ZNF565: variants seen among roughly 807,000 people sequenced by gnomAD.
The protein encoded by ZNF565 is zinc finger protein 565.
Under a neutral mutation model 39.4 loss-of-function variants are expected in ZNF565, and 27 were observed. That is an observed-to-expected ratio of 0.69 (90% CI 0.51 to 0.95). The LOEUF is 0.95. Ranked by LOEUF, ZNF565 falls within the 40% of genes least tolerant of loss-of-function variation. The probability of loss-of-function intolerance (pLI) is 0.00; values close to 1 mark genes in which losing one functional copy is unlikely to be tolerated. For synonymous variants in ZNF565, 185 were observed against 216.6 expected (o/e 0.85, Z 1.28); for missense variants, 524 against 621.1 (o/e 0.84, Z 1.66).
chr19:36,224,122 C>G (rs1976975496), intron 1 of ZNF565, among the ~76,000 whole-genome samples: 1 of 152,182 alleles, frequency 6.6e-6, no homozygotes, highest in South Asian at 2.1e-4. Context: ...TGGCTCACGC[C>G]TGCAATCCCA....
intron 1 of ZNF565, among the ~76,000 whole-genome samples, chr19:36,232,696 C>G (rs10418472): frequency 0.04 from 6,132 of 151,476 alleles, 397 homozygotes; most frequent in African/African-American, 0.14. Flanking sequence ...ACAACCTCCA[C>G]CTCCCGGTTT....
chr19:36,228,882 A>C (rs1004013926), intron 1 of ZNF565: 2 of 152,240 alleles, frequency 1.3e-5, no homozygotes, highest in South Asian at 4.1e-4. Flanking sequence ...AAGTGCTTCA[A>C]AGGATGTTTT....
chr19:36,200,567 C>A (rs1477806450), intron 2 of ZNF565, among the ~76,000 whole-genome samples: 1 of 151,390 alleles, frequency 6.6e-6, no homozygotes, highest in South Asian at 2.1e-4. Flanking sequence ...CGGCTCACTG[C>A]AACCTCTGCC....
In ZNF565 at chr19:36,233,176, A is replaced by G. The variant is rs576714756; in HGVS notation, c.55+12300T>C. Among the ~76,000 whole-genome samples the G allele has an allele frequency of 2.0e-5, 3 of 152,318 alleles. No individual in the cohort carries two copies. The South Asian group carries it at 6.2e-4, about 32-fold the overall frequency. On this transcript the variant is annotated intron_variant, in intron 1 of 4. Coordinates refer to the ZNF565 transcript ENST00000355114. The stretch of plus-strand genomic sequence containing the variant: ...TACGGGCAGATCACCAGATGTCAGG[A>G]GTTCCAGACCAGCCTGGCCAACATA...
At chr19:36,244,582 C>G (rs900062068) in intron 1 of ZNF565, among the ~76,000 whole-genome samples, 4 of 151,804 alleles carry the variant, frequency 2.6e-5, no homozygotes, top group African/African-American at 7.3e-5. Flanking sequence ...GCTGGGCACG[C>G]TGGCTCACGC....
chr19:36,206,858 T>C lies in ZNF565; in HGVS notation c.-65-4808A>G, dbSNP rs544939345. 3.3e-5 allele frequency among the ~76,000 whole-genome samples: 5 copies of C among 152,136 alleles called. No individual in the cohort carries two copies. The East Asian group carries it at 7.7e-4, about 24-fold the overall frequency. ...ACAACAATAACAACATATGTATATA[T>C]AGATGTCAGGTGGCAAATGTCCTAC... On this transcript the variant is annotated intron_variant, in intron 1 of 4. Transcript: ENST00000304116.
At chr19:36,204,878 C>T (rs1976095095) in intron 1 of ZNF565, among the ~76,000 whole-genome samples, 1 of 151,990 alleles carries the variant, frequency 6.6e-6, no homozygotes, top group Non-Finnish European at 1.5e-5. Flanking sequence ...TATCCAGCTA[C>T]TTGGGAGGCT....
intron 1 of ZNF565, chr19:36,236,604 A>T: frequency 6.2e-7 from 1 of 1,614,232 alleles, no homozygotes; most frequent in Non-Finnish European, 8.5e-7. Flanking sequence ...GCCTTTAGCC[A>T]AAAGCAGTAT....
chr19:36,193,623 A>C (rs1298803073), intron 4 of ZNF565, among the ~76,000 whole-genome samples: 1 of 150,882 alleles, frequency 6.6e-6, no homozygotes, highest in East Asian at 2.0e-4. Flanking sequence ...TTGTATTTTT[A>C]GTAGAGATGT....
chr19:36,220,636 G>A, intron 1 of ZNF565, among the ~76,000 whole-genome samples: 1 of 152,126 alleles, frequency 6.6e-6, no homozygotes, highest in East Asian at 1.9e-4. Flanking sequence ...AAAGCGCTGG[G>A]ATTACAGGCG....
intron 1 of ZNF565, among the ~76,000 whole-genome samples, chr19:36,204,756 G>A (rs1428208481): frequency 1.3e-5 from 2 of 152,128 alleles, no homozygotes; most frequent in East Asian, 1.9e-4. Flanking sequence ...TTGGGAGGCC[G>A]AGGTGGGCTG....
intron 1 of ZNF565, among the ~76,000 whole-genome samples, chr19:36,209,602 G>A (rs1976280780): frequency 6.6e-6 from 1 of 152,126 alleles, no homozygotes; most frequent in African/African-American, 2.4e-5. Flanking sequence ...GTCTGATTCT[G>A]ACTTTTAGAA....
intron 4 of ZNF565, among the ~76,000 whole-genome samples, chr19:36,193,048 T>C (rs1026973144): frequency 1.3e-5 from 2 of 152,048 alleles, no homozygotes; most frequent in Non-Finnish European, 2.9e-5. Context: ...CAGGCTGGAG[T>C]GCAGTGGTGT....
intron 1 of ZNF565, among the ~76,000 whole-genome samples, chr19:36,207,218 T>C (rs1976188064): frequency 6.6e-6 from 1 of 152,144 alleles, no homozygotes; most frequent in East Asian, 1.9e-4. Context: ...GGTACGAAAC[T>C]TTTAAAGCCA....
At chr19:36,195,270 T>A in intron 2 of ZNF565, 114 bp from the exon 3 acceptor site, 2 of 1,244,192 alleles carry the variant, frequency 1.6e-6, no homozygotes, top group Non-Finnish European at 1.1e-6. Context: ...GGCCCCCCGA[T>A]ATGCACCAGT....
At chr19:36,184,289 C>T (rs117239556) in intron 4 of ZNF565, among the ~76,000 whole-genome samples, 8,141 of 151,654 alleles carry the variant, frequency 0.054, 259 homozygotes, top group Non-Finnish European at 0.066. Flanking sequence ...TGCTTTGAGA[C>T]GGAGTCTTGC....
Position 36,183,642 on chromosome 19 carries a change from A to C in ZNF565, c.324T>G (p.Ser108Arg). The C allele has an allele frequency of 2.5e-6, 4 of 1,614,136 alleles. No individual in the cohort carries two copies. Among genetic ancestry groups the C allele is most frequent in the Non-Finnish European group, 3.4e-6 (4 of 1,180,006 alleles). ...CTCTAAAATCGGAGCCCTCCAGGTC[A>C]CTGCATTTAAGGCTTTCCATTATCT... is the stretch of plus-strand genomic sequence containing the variant. Reference protein sequence around the residue: ...NWEIMESLKCSDLEGSDFRAD... With the variant: ...NWEIMESLKCRDLEGSDFRAD... Residue 108 changes from serine to arginine, a missense_variant, in exon 5 of 5, where the codon AGT (serine) becomes AGG (arginine). Physicochemically the swap from Ser to Arg is moderately radical, Grantham distance 110. Coordinates refer to ENST00000304116, the MANE Select transcript of ZNF565 (RefSeq NM_152477.5).
At chr19:36,208,901 C>T (rs1976251497) in intron 1 of ZNF565, among the ~76,000 whole-genome samples, 1 of 152,152 alleles carries the variant, frequency 6.6e-6, no homozygotes, top group Non-Finnish European at 1.5e-5. Context: ...GGCATGATCA[C>T]AGCTCATTGC....
In ZNF565 at chr19:36,182,835, C is replaced by T; in HGVS notation, c.1131G>A (p.Gln377=). 6.2e-7 allele frequency: 1 copy of T among 1,613,820 alleles called. No homozygotes were observed. Among genetic ancestry groups the T allele is most frequent in the Non-Finnish European group, 8.5e-7 (1 of 1,179,968 alleles). ...ECGKAFRQHA[Q]LTRHQRVHTG... ...TATGGACTCTCTGATGTCGTGTGAG[C>T]TGTGCGTGCTGTCTGAAGGCCTTCC... Residue 377 remains glutamine, a synonymous_variant, in exon 5 of 5, where the codon CAG becomes CAA. Coordinates refer to ENST00000304116, the MANE Select transcript of ZNF565 (RefSeq NM_152477.5).
Sources: allele counts gnomAD v4.1 joint callset (sites outside exome capture counted in the v4.1 genomes callset), GRCh38; gene constraint gnomAD v4.1.1; transcripts MANE v1.5; gene names NCBI Gene and HGNC (gene_info 2026-07-23, HGNC 2026-07-21).